Variants in SAMMSON observed in about 807,000 individuals in gnomAD.
SAMMSON encodes the protein long intergenic non-protein coding RNA 1212.
intron 9 of SAMMSON, among the ~76,000 whole-genome samples, chr3:70,380,001 A>AT (rs1228018004): frequency 6.6e-6 from 1 of 152,106 alleles, no homozygotes; most frequent in African/African-American, 2.4e-5. Context: ...TTGGGGTGTA[A>AT]TTTTTTCATA....
chr3:70,324,042 G>A (rs756740187), intron 7 of SAMMSON, among the ~76,000 whole-genome samples: 8 of 151,898 alleles, frequency 5.3e-5, no homozygotes, highest in Admixed American at 1.3e-4. Context: ...CCCTTCTTTG[G>A]CAGCTTGAAG....
intron 4 of SAMMSON, among the ~76,000 whole-genome samples, chr3:70,109,212 GC>G (rs2106659673): frequency 6.6e-6 from 1 of 152,064 alleles, no homozygotes; most frequent in African/African-American, 2.4e-5. Context: ...TTCCTTTACT[GC>G]CCACTCACAT....
intron 3 of SAMMSON, among the ~76,000 whole-genome samples, chr3:70,020,716 A>G (rs899429935): frequency 1.3e-5 from 2 of 152,090 alleles, no homozygotes; most frequent in African/African-American, 4.8e-5. Flanking sequence ...ATAATAATTA[A>G]TAATAATAAT....
At chr3:69,999,719 C>A (rs542130360), upstream of SAMMSON, 6 of 152,502 alleles carry the variant, frequency 3.9e-5, no homozygotes, top group East Asian at 1.2e-3. Flanking sequence ...AAACCGCCCC[C>A]CGCAGGCCCT....
chr3:70,270,681 A>G (rs1162722601), intron 6 of SAMMSON, among the ~76,000 whole-genome samples: 2 of 152,190 alleles, frequency 1.3e-5, no homozygotes, highest in Admixed American at 1.3e-4. Context: ...TATTTTTAAA[A>G]TACACCATGG....
chr3:70,225,292 G>GA (rs1701493189), intron 4 of SAMMSON, among the ~76,000 whole-genome samples: 1 of 152,166 alleles, frequency 6.6e-6, no homozygotes, highest in South Asian at 2.1e-4. Flanking sequence ...TCTTCAGTGT[G>GA]AGAATTATAA....
At chr3:70,331,967 GCAGA>G (rs1702624669) in intron 7 of SAMMSON, among the ~76,000 whole-genome samples, 1 of 152,316 alleles carries the variant, frequency 6.6e-6, no homozygotes, top group Middle Eastern at 3.4e-3. Flanking sequence ...TACTGTATGT[GCAGA>G]CAAAGGGAAG....
At chr3:70,398,963 T>C (rs1701114659) in intron 2 of SAMMSON, among the ~76,000 whole-genome samples, 1 of 152,258 alleles carries the variant, frequency 6.6e-6, no homozygotes, top group South Asian at 2.1e-4. Flanking sequence ...AAGGATATCT[T>C]AATTCATCCT....
intron 6 of SAMMSON, among the ~76,000 whole-genome samples, chr3:70,268,826 CT>C (rs1336118690): frequency 6.6e-6 from 1 of 152,046 alleles, no homozygotes; most frequent in Non-Finnish European, 1.5e-5. Context: ...ACAAACTATT[CT>C]TACTAAATAT....
At chr3:70,101,944 G>A (rs1044061459) in intron 4 of SAMMSON, among the ~76,000 whole-genome samples, 4 of 152,134 alleles carry the variant, frequency 2.6e-5, no homozygotes, top group African/African-American at 7.2e-5. Flanking sequence ...AGTTATGAAG[G>A]TTTGGTAGTG....
intron 4 of SAMMSON, among the ~76,000 whole-genome samples, chr3:70,139,932 T>A (rs1204387073): frequency 6.6e-6 from 1 of 152,162 alleles, no homozygotes; most frequent in Non-Finnish European, 1.5e-5. Flanking sequence ...TCAAATTTGG[T>A]CACACCCTTC....
chr3:70,003,531 A>C (rs1295099801), intron 1 of SAMMSON, among the ~76,000 whole-genome samples: 1 of 151,836 alleles, frequency 6.6e-6, no homozygotes, highest in Non-Finnish European at 1.5e-5. Flanking sequence ...TGACATATCA[A>C]AGTCTAATAT....
intron 4 of SAMMSON, among the ~76,000 whole-genome samples, chr3:70,217,022 T>C (rs529969997): frequency 3.5e-4 from 53 of 152,284 alleles, no homozygotes; most frequent in African/African-American, 1.2e-3. Context: ...GCCATTGCTA[T>C]CACATCACTC....
chr3:70,195,922 G>A (rs1425677026), intron 4 of SAMMSON, among the ~76,000 whole-genome samples: 1 of 152,042 alleles, frequency 6.6e-6, no homozygotes, highest in Non-Finnish European at 1.5e-5. Flanking sequence ...AGTAAAATAA[G>A]TACTTGACAT....
intron 4 of SAMMSON, among the ~76,000 whole-genome samples, chr3:70,181,783 C>T (rs760879044): frequency 1.3e-5 from 2 of 152,166 alleles, no homozygotes; most frequent in South Asian, 4.1e-4. Context: ...CACTTTCATG[C>T]GAAAACATTT....
intron 4 of SAMMSON, among the ~76,000 whole-genome samples, chr3:70,198,872 C>T (rs1701207485): frequency 6.6e-6 from 1 of 152,106 alleles, no homozygotes; most frequent in Non-Finnish European, 1.5e-5. Flanking sequence ...AAACCTCCCA[C>T]AAAAATGCAA....
At chr3:70,400,935 AAAT>A (rs1304550788) in intron 2 of SAMMSON, among the ~76,000 whole-genome samples, 5 of 152,164 alleles carry the variant, frequency 3.3e-5, no homozygotes, top group African/African-American at 1.2e-4. Context: ...CTGTCTCAAA[AAAT>A]AATAATAAAT....
At chr3:70,274,156 A>C (rs575707729) in intron 6 of SAMMSON, among the ~76,000 whole-genome samples, 8 of 151,818 alleles carry the variant, frequency 5.3e-5, no homozygotes, top group African/African-American at 1.9e-4. Flanking sequence ...ATGTGAAATT[A>C]TACTCTCATA....
chr3:70,341,162 T>G (rs1559567744), intron 7 of SAMMSON, among the ~76,000 whole-genome samples: 2 of 152,062 alleles, frequency 1.3e-5, no homozygotes, highest in Non-Finnish European at 2.9e-5. Context: ...AGTTTCTTGA[T>G]GGAATAAGTG....
Sources: allele counts gnomAD v4.1 joint callset (sites outside exome capture counted in the v4.1 genomes callset), GRCh38; gene constraint gnomAD v4.1.1; transcripts MANE v1.5; gene names NCBI Gene and HGNC (gene_info 2026-07-23, HGNC 2026-07-21).